TMCC3: variants seen among roughly 807,000 people sequenced by gnomAD.
TMCC3 encodes transmembrane and coiled-coil domain protein 3.
Under a neutral mutation model 40.2 loss-of-function variants are expected in TMCC3, and 28 were observed. The observed-to-expected ratio is 0.70, with a 90% confidence interval of 0.52 to 0.95. The LOEUF (loss-of-function observed/expected upper bound fraction) is 0.95. Among genes scored for constraint, TMCC3 ranks in the 40% least tolerant of loss-of-function variants. TMCC3 has a pLI of 0.00. For missense variants in TMCC3, 554 were observed against 615.2 expected (o/e 0.90, Z 1.05); for synonymous variants, 255 against 248.5 (o/e 1.03, Z -0.25).
At chr12:94,627,868 C>T (rs1021195933) in intron 1 of TMCC3, among the ~76,000 whole-genome samples, 4 of 152,236 alleles carry the variant, frequency 2.6e-5, no homozygotes, top group Non-Finnish European at 5.9e-5. Context: ...GTCTGCCTTG[C>T]CCTACCAGAA....
At chr12:94,577,231 C>T (rs2068570783) in intron 3 of TMCC3, among the ~76,000 whole-genome samples, 1 of 151,806 alleles carries the variant, frequency 6.6e-6, no homozygotes, top group Admixed American at 6.6e-5. Flanking sequence ...CTGTGTCGTC[C>T]AGGCTGGAGT....
intron 1 of TMCC3, among the ~76,000 whole-genome samples, chr12:94,625,400 T>G (rs1006638404): frequency 4.6e-5 from 7 of 151,662 alleles, no homozygotes; most frequent in African/African-American, 1.7e-4. Context: ...TCTAGACCAG[T>G]CTGGCCAACA....
chr12:94,608,082 G>A (rs1464695062), intron 1 of TMCC3, among the ~76,000 whole-genome samples: 1 of 152,180 alleles, frequency 6.6e-6, no homozygotes, highest in Non-Finnish European at 1.5e-5. Context: ...TGAACAATCA[G>A]TGAATATATA....
At chr12:94,617,005 G>A (rs1314411279) in intron 1 of TMCC3, among the ~76,000 whole-genome samples, 1 of 152,192 alleles carries the variant, frequency 6.6e-6, no homozygotes, top group Non-Finnish European at 1.5e-5. Flanking sequence ...GGCAAGAGCT[G>A]GTGAAGGCTG....
At chr12:94,600,432 T>C (rs1428944985) in intron 1 of TMCC3, among the ~76,000 whole-genome samples, 1 of 152,132 alleles carries the variant, frequency 6.6e-6, no homozygotes, top group African/African-American at 2.4e-5. Context: ...GTCATTACAC[T>C]GATCTTCTAA....
chr12:94,650,304 C>G, intron 1 of TMCC3, 49 bp downstream of exon 1: 1 of 1,157,608 alleles, frequency 8.6e-7, no homozygotes, highest in African/African-American at 1.6e-5. Context: ...CAGCCCGCCT[C>G]GCCCCCGGGC....
chr12:94,590,984 G>A, intron 1 of TMCC3: 1 of 560,670 alleles, frequency 1.8e-6, no homozygotes, highest in Non-Finnish European at 3.6e-6. Flanking sequence ...ATGATCTTGG[G>A]AGATGAGGAA....
intron 1 of TMCC3, among the ~76,000 whole-genome samples, chr12:94,642,505 C>T (rs1013598807): frequency 5.9e-5 from 9 of 152,200 alleles, no homozygotes; most frequent in Non-Finnish European, 7.3e-5. Context: ...ACAGTCTCCT[C>T]GAATGCCTTT....
At chr12:94,597,801 T>C (rs1005319427) in intron 1 of TMCC3, among the ~76,000 whole-genome samples, 1 of 152,094 alleles carries the variant, frequency 6.6e-6, no homozygotes, top group Non-Finnish European at 1.5e-5. Flanking sequence ...AGAGAGGCTC[T>C]GTCTCAAAAA....
chr12:94,622,386 T>C (rs1203892176), intron 1 of TMCC3, among the ~76,000 whole-genome samples: 1 of 152,216 alleles, frequency 6.6e-6, no homozygotes, highest in Non-Finnish European at 1.5e-5. Flanking sequence ...TTATATTTCT[T>C]TTCTCCCTTG....
At chr12:94,615,178 A>G (rs1211112645) in intron 1 of TMCC3, among the ~76,000 whole-genome samples, 1 of 152,232 alleles carries the variant, frequency 6.6e-6, no homozygotes, top group Non-Finnish European at 1.5e-5. Flanking sequence ...TTGTGTCAAT[A>G]TAGAGAAGTC....
At chr12:94,619,679 G>A (rs2068865036) in intron 1 of TMCC3, among the ~76,000 whole-genome samples, 1 of 152,080 alleles carries the variant, frequency 6.6e-6, no homozygotes, top group African/African-American at 2.4e-5. Context: ...TTTTGCTTTT[G>A]GAAATTTATC....
intron 1 of TMCC3, among the ~76,000 whole-genome samples, chr12:94,600,836 G>T (rs575077556): frequency 6.6e-6 from 1 of 152,154 alleles, no homozygotes; most frequent in Non-Finnish European, 1.5e-5. Context: ...TCTTTGCTGG[G>T]TTTTTTACTA....
intron 1 of TMCC3, among the ~76,000 whole-genome samples, chr12:94,584,087 T>C (rs1566316765): frequency 6.6e-6 from 1 of 152,094 alleles, no homozygotes; most frequent in Non-Finnish European, 1.5e-5. Context: ...CTAAGTGATA[T>C]GGTTTGGATC....
chr12:94,647,766 C>A (rs2069028052), intron 1 of TMCC3, among the ~76,000 whole-genome samples: 2 of 152,164 alleles, frequency 1.3e-5, no homozygotes, highest in African/African-American at 4.8e-5. Context: ...ACAGGAGCTA[C>A]GATCATTTAA....
chr12:94,613,496 G>A (rs2068828603), intron 1 of TMCC3, among the ~76,000 whole-genome samples: 1 of 152,112 alleles, frequency 6.6e-6, no homozygotes, highest in East Asian at 1.9e-4. Context: ...AATCTTAAAA[G>A]AAGCAAATCA....
At chr12:94,614,688 C>T (rs1342237457) in intron 1 of TMCC3, among the ~76,000 whole-genome samples, 2 of 151,866 alleles carry the variant, frequency 1.3e-5, no homozygotes, top group Non-Finnish European at 2.9e-5. Context: ...CACAGTGTTA[C>T]GAGGCTATTG....
At chr12:94,626,865 G>T (rs79169843) in intron 1 of TMCC3, among the ~76,000 whole-genome samples, 9,441 of 152,164 alleles carry the variant, frequency 0.062, 347 homozygotes, top group South Asian at 0.16. Context: ...TTGTTTGTTT[G>T]TTTGTTTGTT....
At chr12:94,607,971 G>C (rs1225456694) in intron 1 of TMCC3, among the ~76,000 whole-genome samples, 1 of 152,176 alleles carries the variant, frequency 6.6e-6, no homozygotes, top group Non-Finnish European at 1.5e-5. Context: ...TGTTATGACT[G>C]ATGTTTTAAT....
Sources: gnomAD v4.1 joint callset for allele counts (sites outside exome capture counted in the v4.1 genomes callset) on GRCh38, gnomAD v4.1.1 for gene constraint, MANE v1.5 for transcripts, NCBI Gene and HGNC (gene_info 2026-07-23, HGNC 2026-07-21) for gene names.